Variants in RFWD3 observed in about 807,000 individuals in gnomAD.
The protein encoded by RFWD3 is ring finger and WD repeat domain 3.
A neutral mutation model predicts 87.7 loss-of-function variants in RFWD3; 65 were observed. The observed-to-expected ratio is 0.74, with a 90% CI of 0.61 to 0.91. The LOEUF (loss-of-function observed/expected upper bound fraction) is 0.91. Ranked by LOEUF, RFWD3 falls within the 40% of genes least tolerant of loss-of-function variation. The pLI, the probability that RFWD3 is intolerant of heterozygous loss-of-function variation, is 0.00. For synonymous variants in RFWD3, 433 were observed against 352.8 expected (o/e 1.23, Z -2.55); for missense variants, 1,078 against 938.5 (o/e 1.15, Z -1.94).
In RFWD3 at chr16:74,661,215, C is replaced by G. The variant is rs752389383; in HGVS notation, c.235G>C (p.Asp79His). ...LLQPAPQLSVDLTEVEVLGED... is the reference protein window; with the variant it reads ...LLQPAPQLSVHLTEVEVLGED... The stretch of plus-strand genomic sequence containing the variant: ...CCCAAGACCTCCACTTCTGTCAGGT[C>G]AACAGACAGTTGCGGAGCAGGCTGG... The change falls in exon 2 of 13, where the codon GAC becomes CAC. Residue 79 changes from aspartate to histidine, a missense_variant. Asp to His is a moderately conservative substitution (Grantham distance 81). Transcript: ENST00000361070. 8 of 1,614,102 alleles carry G rather than the reference C, an allele frequency of 5.0e-6. No individual in the cohort carries two copies. The highest frequency in any genetic ancestry group is 1.3e-5 in the African/African-American group (1 of 74,930).
Position 74,630,908 on chromosome 16 carries a change from A to AGACAG in RFWD3, c.1622_1626dup (p.Trp543LeufsTer39). ...TCATCAAGACACCAGCAACAGCTCCAGACAGGACGTCCAGCATTATAAGTC... is the reference window on the plus strand; with the variant it reads ...TCATCAAGACACCAGCAACAGCTCCAGACAGGACAGGACGTCCAGCATTATAAGTC... On this transcript the variant is annotated frameshift_variant, in exon 10 of 13. Coordinates refer to ENST00000361070, the MANE Select transcript of RFWD3 (RefSeq NM_018124.4). LOFTEE classifies it high-confidence loss of function. 6.2e-7 allele frequency: 1 copy of AGACAG among 1,614,118 alleles called. No homozygotes were observed. Among genetic ancestry groups the AGACAG allele is most frequent in the Non-Finnish European group, 8.5e-7 (1 of 1,179,966 alleles).
At chr16:74,635,300 A>T (rs542800327) in intron 8 of RFWD3, among the ~76,000 whole-genome samples, 34 of 150,798 alleles carry the variant, frequency 2.3e-4, no homozygotes, top group South Asian at 6.3e-4. Context: ...TAAAAAAAAT[A>T]AAAAATAAAA....
rs539010070 is a variant in RFWD3, at chr16:74,658,471, C to T, written c.518+2461G>A. ...TTCACCTTGGCCCAGGCTTTCAACACCTGGCCCAGGGACAGTCTGTCAGAT... is the reference window on the plus strand; with the variant it reads ...TTCACCTTGGCCCAGGCTTTCAACATCTGGCCCAGGGACAGTCTGTCAGAT... On this transcript the variant is annotated intron_variant, in intron 2 of 12. Transcript: ENST00000361070. 3.0e-4 allele frequency among the ~76,000 whole-genome samples: 46 copies of T among 152,320 alleles called. No homozygotes were observed. The South Asian group carries it at 9.3e-3, about 31-fold the overall frequency.
intron 11 of RFWD3, 98 bp downstream of exon 11, chr16:74,628,354 G>A (rs188579410): frequency 6.0e-5 from 67 of 1,111,474 alleles, no homozygotes; most frequent in East Asian, 4.5e-4. Context: ...GCCTGTGAGC[G>A]GTACCACAGC....
Position 74,624,345 on chromosome 16 carries a change from G to C in RFWD3, c.2182-274C>G, listed in dbSNP as rs747515646. Among the ~76,000 whole-genome samples the C allele has an allele frequency of 1.6e-4, 24 of 152,284 alleles. 2 individuals carry two copies. Among genetic ancestry groups the C allele is most frequent in the Non-Finnish European group, 2.8e-4 (19 of 68,028 alleles). ...TCATTCAATGTGCCAGCCTCTTCTAGGGACAGAAGGGTCAATAAGATAAAG... is the reference window on the plus strand; with the variant it reads ...TCATTCAATGTGCCAGCCTCTTCTACGGACAGAAGGGTCAATAAGATAAAG... On this transcript the variant is annotated intron_variant, in intron 12 of 12. Coordinates refer to ENST00000361070, the MANE Select transcript of RFWD3 (RefSeq NM_018124.4).
chr16:74,652,028 A>G lies in RFWD3; in HGVS notation c.613T>C (p.Ser205Pro). The change falls in exon 3 of 13, where the codon TCT becomes CCT. Residue 205 changes from serine to proline, a missense_variant. By Grantham distance (74) the Ser-to-Pro change is moderately conservative (BLOSUM62 -1). Transcript: ENST00000361070. The part of the protein sequence containing the change: ...TYDSETRNPV[S>P]EELQVSSSSD... ...CTACTAGACACCTGCAACTCTTCAGATACAGGATTCCTAGTCTCTGAATCA... is the reference window on the plus strand; with the variant it reads ...CTACTAGACACCTGCAACTCTTCAGGTACAGGATTCCTAGTCTCTGAATCA... 1 of 1,614,080 alleles carries G rather than the reference A, an allele frequency of 6.2e-7. No homozygotes were observed.
intron 6 of RFWD3, among the ~76,000 whole-genome samples, chr16:74,642,282 C>A (rs1488676540): frequency 6.6e-6 from 1 of 151,898 alleles, no homozygotes; most frequent in African/African-American, 2.4e-5. Flanking sequence ...ACCACCACAT[C>A]CGGATAATTT....
At chr16:74,657,390 C>G (rs1365723299) in intron 2 of RFWD3, among the ~76,000 whole-genome samples, 1 of 151,988 alleles carries the variant, frequency 6.6e-6, no homozygotes, top group East Asian at 1.9e-4. Flanking sequence ...CTGACAAATT[C>G]TGCCAGTTGT....
At chr16:74,632,718 C>G (rs1260653119) in intron 8 of RFWD3, 45 bp from the exon 9 acceptor site, 2 of 1,584,284 alleles carry the variant, frequency 1.3e-6, no homozygotes, top group Admixed American at 1.7e-5. Flanking sequence ...GAAAGTGAAC[C>G]TAGGGCAATT....
intron 2 of RFWD3, among the ~76,000 whole-genome samples, chr16:74,652,727 C>G (rs1168609442): frequency 6.6e-6 from 1 of 152,174 alleles, no homozygotes; most frequent in African/African-American, 2.4e-5. Context: ...CCAAATATAT[C>G]TTGGCTGGCT....
Position 74,626,425 on chromosome 16 carries a change from G to T in RFWD3, c.2099C>A (p.Thr700Asn), listed in dbSNP as rs750953750. Residue 700 changes from threonine (T) to asparagine (N), a missense_variant, in exon 12 of 13, where the codon ACC becomes AAC. Transcript: ENST00000361070. ...FFGGPTCKLL[T>N]KNAIFQSPEN... ...TGGGCTTTGGAAAATGGCATTTTTG[G>T]TCAATAGTTTGCAAGTAGGTCCTCC... 1 of 1,614,162 alleles carries T rather than the reference G, an allele frequency of 6.2e-7. No homozygotes were observed. The highest frequency in any genetic ancestry group is 1.7e-5 in the Admixed American group (1 of 60,016).
At chr16:74,642,145 CAG>C (rs1035048591) in intron 6 of RFWD3, among the ~76,000 whole-genome samples, 6 of 151,998 alleles carry the variant, frequency 3.9e-5, no homozygotes, top group East Asian at 1.9e-4. Flanking sequence ...AAATTTGACA[CAG>C]AGTCTTGCTC....
At chr16:74,637,828 T>C in intron 7 of RFWD3, 28 bp downstream of exon 7, 1 of 1,516,680 alleles carries the variant, frequency 6.6e-7, no homozygotes, top group South Asian at 1.1e-5. Context: ...ATTCCAAAAG[T>C]TCTTTGGATT....
intron 8 of RFWD3, 22 bp downstream of exon 8, chr16:74,636,324 G>C: frequency 6.3e-7 from 1 of 1,592,764 alleles, no homozygotes; most frequent in African/African-American, 1.3e-5. Context: ...GAACATGAAA[G>C]CTGAGGTTCT....
At chr16:74,663,096 G>C (rs1168037292) in intron 1 of RFWD3, among the ~76,000 whole-genome samples, 1 of 151,964 alleles carries the variant, frequency 6.6e-6, no homozygotes, top group African/African-American at 2.4e-5. Flanking sequence ...AGTACAGCCG[G>C]GGTTTCACTG....
In RFWD3 at chr16:74,621,532, G is replaced by A. The variant is rs917059160; in HGVS notation, c.*2396C>T. The A allele has an allele frequency of 7.9e-5, 12 of 152,234 alleles. No homozygotes were observed. The highest frequency in any genetic ancestry group is 2.9e-4 in the African/African-American group (12 of 41,538). 9.4% of individuals were successfully genotyped at this position (152,234 alleles called of 1,614,324 possible). On this transcript the variant is annotated 3_prime_UTR_variant, in exon 13 of 13. Transcript: ENST00000361070. ...AATACATACAATGACAAGACATTTT[G>A]AGTTCGTTTAACTCCAAATCCTCAA...
chr16:74,625,956 C>A (rs1336745251), intron 12 of RFWD3, among the ~76,000 whole-genome samples: 1 of 152,110 alleles, frequency 6.6e-6, no homozygotes, highest in African/African-American at 2.4e-5. Flanking sequence ...GAGGCCAAGG[C>A]CGGCAGATCA....
chr16:74,626,220 T>C, intron 12 of RFWD3, 123 bp downstream of exon 12: 1 of 817,348 alleles, frequency 1.2e-6, no homozygotes, highest in East Asian at 2.5e-5. Context: ...ATATGTGGGA[T>C]TACAGAGCAG....
chr16:74,658,789 CAG>C (rs1261143670), intron 2 of RFWD3, among the ~76,000 whole-genome samples: 4 of 144,428 alleles, frequency 2.8e-5, no homozygotes, highest in Admixed American at 2.1e-4. Flanking sequence ...TTTTTTGAGA[CAG>C]AGAGTCACTC....
Sources: allele counts gnomAD v4.1 joint callset (sites outside exome capture counted in the v4.1 genomes callset), GRCh38; gene constraint gnomAD v4.1.1; transcripts MANE v1.5; gene names NCBI Gene and HGNC (gene_info 2026-07-23, HGNC 2026-07-21).